Variants in ACSL5 observed in about 807,000 individuals in gnomAD.
ACSL5 encodes the protein acyl-CoA synthetase long chain family member 5.
A neutral mutation model predicts 84.9 loss-of-function variants in ACSL5; 50 were observed. The observed-to-expected ratio is 0.59, with a 90% CI of 0.47 to 0.75. The LOEUF is 0.75. Among genes scored for constraint, ACSL5 ranks in the 30% least tolerant of loss-of-function variants. The pLI is 0.00. For synonymous variants in ACSL5, 280 were observed against 300.7 expected (o/e 0.93, Z 0.71); for missense variants, 775 against 830.4 (o/e 0.93, Z 0.82).
chr10:112,392,602 A>G (rs1263076526), intron 1 of ACSL5, among the ~76,000 whole-genome samples: 3 of 152,110 alleles, frequency 2.0e-5, no homozygotes, highest in African/African-American at 4.8e-5. Flanking sequence ...GTAGGCCGGC[A>G]TGGTGGCAGG....
chr10:112,422,186 G>T (rs765688527), intron 16 of ACSL5, 139 bp from the exon 17 acceptor site: 49 of 1,090,552 alleles, frequency 4.5e-5, no homozygotes, highest in Non-Finnish European at 6.6e-5. Context: ...ATCCCCTATA[G>T]TGGAGACTTA....
At chr10:112,426,394 A>T in intron 19 of ACSL5, 35 bp downstream of exon 19, 1 of 1,572,194 alleles carries the variant, frequency 6.4e-7, no homozygotes, top group Non-Finnish European at 8.8e-7. Context: ...ATGCACACCC[A>T]TGGGCCCATC....
chr10:112,392,325 GGCC>G (rs1465018268), intron 1 of ACSL5, among the ~76,000 whole-genome samples: 26 of 141,272 alleles, frequency 1.8e-4, no homozygotes, highest in Middle Eastern at 3.5e-3. Flanking sequence ...TTAAAGAATT[GGCC>G]AGGTACGGTG....
At chr10:112,400,799 T>C (rs1408965384) in intron 3 of ACSL5, among the ~76,000 whole-genome samples, 1 of 151,946 alleles carries the variant, frequency 6.6e-6, no homozygotes, top group African/African-American at 2.4e-5. Flanking sequence ...GATAACCCCC[T>C]CCCCGACTCC....
In ACSL5 at chr10:112,413,207, T is replaced by A. The variant is rs771047517; in HGVS notation, c.983T>A (p.Phe328Tyr). ...TACAGCTGTGGAGCCAGAGTTGGAT[T>A]CTTCCAAGGGGATATTCGGTTGCTG... The part of the protein sequence containing the change: ...VVYSCGARVG[F>Y]FQGDIRLLAD... Residue 328 changes from phenylalanine to tyrosine, a missense_variant, in exon 12 of 21, where the codon TTC (phenylalanine) becomes TAC (tyrosine). Physicochemically the swap from Phe to Tyr is conservative, Grantham distance 22. Transcript: ENST00000354655. The A allele has an allele frequency of 1.2e-6, 2 of 1,614,224 alleles. No homozygotes were observed. Among genetic ancestry groups the A allele is most frequent in the East Asian group, 2.2e-5 (1 of 44,892 alleles).
At chr10:112,397,177 T>C (rs1013087821) in intron 2 of ACSL5, among the ~76,000 whole-genome samples, 5 of 151,610 alleles carry the variant, frequency 3.3e-5, no homozygotes, top group African/African-American at 7.3e-5. Context: ...TTCTTTTTTT[T>C]TTTTTTTTTA....
rs5787960 is a variant in ACSL5 at position 112,379,414 on chromosome 10, G to GAAA, written c.-30+5157_-30+5159dup. Among the ~76,000 whole-genome samples the GAAA allele has an allele frequency of 3.0e-4, 43 of 141,846 alleles. No homozygotes were observed. The East Asian group carries it at 5.2e-3, about 17-fold the overall frequency. The allele number at this position is 141,846 out of a possible 152,430, so 93.1% of individuals were successfully genotyped here. A position where few individuals can be genotyped will look rare whatever the true frequency, so the allele number is the denominator to read the frequency against. On this transcript the variant is annotated intron_variant, in intron 1 of 20. Coordinates refer to ENST00000354655, the MANE Select transcript of ACSL5 (RefSeq NM_203379.2). ...GAGTGAAACTCCATCTCAAAAAAAA[G>GAAA]AAAAAAAAAAAAAAGAGATGAGGGC...
intron 1 of ACSL5, among the ~76,000 whole-genome samples, chr10:112,380,924 G>T (rs1849337030): frequency 6.6e-6 from 1 of 151,956 alleles, no homozygotes; most frequent in African/African-American, 2.4e-5. Context: ...GGGACTACAG[G>T]CATGCCCAAC....
intron 1 of ACSL5, among the ~76,000 whole-genome samples, chr10:112,378,772 T>C (rs1429123105): frequency 1.3e-5 from 2 of 152,204 alleles, no homozygotes; most frequent in Non-Finnish European, 2.9e-5. Flanking sequence ...ATTTCTCCCC[T>C]CTATGTCTGT....
intron 10 of ACSL5, 151 bp from the exon 11 acceptor site, chr10:112,411,751 A>G: frequency 1.3e-6 from 1 of 794,078 alleles, no homozygotes. Context: ...TCTACACTAT[A>G]TGCAGTTCAA....
intron 1 of ACSL5, among the ~76,000 whole-genome samples, chr10:112,382,255 A>T (rs1849365223): frequency 6.6e-6 from 1 of 152,224 alleles, no homozygotes; most frequent in East Asian, 1.9e-4. Flanking sequence ...GACTCCGCCG[A>T]CCCTGTCCTG....
At chr10:112,412,541 A>T (rs1480606061) in intron 11 of ACSL5, 1 of 152,814 alleles carries the variant, frequency 6.5e-6, no homozygotes, top group Non-Finnish European at 1.5e-5. Flanking sequence ...TGATTTGAGA[A>T]CCAAGAGCCA....
At chr10:112,389,199 C>A (rs2133580187) in intron 1 of ACSL5, among the ~76,000 whole-genome samples, 1 of 152,278 alleles carries the variant, frequency 6.6e-6, no homozygotes, top group South Asian at 2.1e-4. Context: ...ATAACCTAGA[C>A]ACCAAGAATG....
intron 9 of ACSL5, 126 bp downstream of exon 9, chr10:112,410,761 A>G: frequency 1.1e-6 from 1 of 928,400 alleles, no homozygotes; most frequent in Non-Finnish European, 1.6e-6. Flanking sequence ...TCACAGCCTA[A>G]GGCTTCTAAG....
chr10:112,413,331 C>G, intron 12 of ACSL5, 24 bp downstream of exon 12: 1 of 1,612,912 alleles, frequency 6.2e-7, no homozygotes, highest in Non-Finnish European at 8.5e-7. Context: ...GCTGAAGGGA[C>G]TGTCTGTGAC....
intron 3 of ACSL5, among the ~76,000 whole-genome samples, chr10:112,400,435 A>C (rs1589683449): frequency 1.0e-5 from 1 of 98,090 alleles, no homozygotes; most frequent in African/African-American, 4.1e-5. Flanking sequence ...TTTGAGATGG[A>C]GTCTCGCTCT....
chr10:112,404,423 G>A, intron 3 of ACSL5, 88 bp from the exon 4 acceptor site: 2 of 969,514 alleles, frequency 2.1e-6, no homozygotes, highest in Non-Finnish European at 3.2e-6. Context: ...TACCCTTTGT[G>A]TCTTGCCCCT....
intron 17 of ACSL5, among the ~76,000 whole-genome samples, chr10:112,422,928 C>T (rs1307292752): frequency 6.7e-6 from 1 of 149,320 alleles, no homozygotes; most frequent in Admixed American, 6.7e-5. Flanking sequence ...GTGGCTCACA[C>T]CTGTAATCCC....
At chr10:112,407,346 C>T (rs1458406296) in intron 5 of ACSL5, among the ~76,000 whole-genome samples, 1 of 152,152 alleles carries the variant, frequency 6.6e-6, no homozygotes, top group Non-Finnish European at 1.5e-5. Context: ...GCCTCAGCCT[C>T]CCGAGTAGCT....
Sources: gnomAD v4.1 joint callset for allele counts (sites outside exome capture counted in the v4.1 genomes callset) on GRCh38, gnomAD v4.1.1 for gene constraint, MANE v1.5 for transcripts, NCBI Gene and HGNC (gene_info 2026-07-23, HGNC 2026-07-21) for gene names.